Variants in BRD10 observed in about 807,000 individuals in gnomAD.
The protein encoded by BRD10 is bromodomain containing 10, also known as uncharacterized bromodomain-containing protein 10.
the BRD10 span, among the ~76,000 whole-genome samples, chr9:5,932,521 A>T: frequency 1.3e-5 from 2 of 152,164 alleles, no homozygotes; most frequent in African/African-American, 2.4e-5. Context: ...TTTAAATCAC[A>T]TTTACATTGT....
At chr9:5,914,048 T>C in the BRD10 span, 15,597 of 452,234 alleles carry the variant, frequency 0.034, 984 homozygotes, top group African/African-American at 0.14. Flanking sequence ...CTTGGCACAC[T>C]TAAGAGAAAG....
At chr9:5,990,680 C>A in the BRD10 span, among the ~76,000 whole-genome samples, 2 of 152,106 alleles carry the variant, frequency 1.3e-5, no homozygotes, top group African/African-American at 4.8e-5. Flanking sequence ...ATCCAACCAA[C>A]CATGGTGCTG....
chr9:5,952,181 C>T, the BRD10 span, among the ~76,000 whole-genome samples: 1 of 151,938 alleles, frequency 6.6e-6, no homozygotes, highest in Admixed American at 6.6e-5. Context: ...CCACCACACC[C>T]GGCTAATTTT....
At chr9:5,951,225 TA>T in the BRD10 span, among the ~76,000 whole-genome samples, 3 of 151,866 alleles carry the variant, frequency 2.0e-5, no homozygotes, top group South Asian at 2.1e-4. Flanking sequence ...CTGAAGCAAA[TA>T]GGGGGGCAAG....
chr9:5,983,552 T>G, the BRD10 span, among the ~76,000 whole-genome samples: 1 of 151,350 alleles, frequency 6.6e-6, no homozygotes, highest in Admixed American at 6.6e-5. Context: ...ATGAGAGAAA[T>G]GAAGATATAT....
chr9:5,921,051 C>A, the BRD10 span: 1 of 1,613,940 alleles, frequency 6.2e-7, no homozygotes, highest in East Asian at 2.2e-5. Flanking sequence ...ACATTTACTG[C>A]TCTTGCTGAA....
At chr9:5,930,115 TGTTGG>T in the BRD10 span, among the ~76,000 whole-genome samples, 12 of 142,986 alleles carry the variant, frequency 8.4e-5, no homozygotes, top group Non-Finnish European at 1.8e-4. Flanking sequence ...TACATAATCA[TGTTGG>T]GTTTTTTTTT....
the BRD10 span, among the ~76,000 whole-genome samples, chr9:5,995,681 C>T: frequency 6.6e-6 from 1 of 152,138 alleles, no homozygotes; most frequent in African/African-American, 2.4e-5. Context: ...CCTTTCTATA[C>T]CCTATCTGGT....
the BRD10 span, among the ~76,000 whole-genome samples, chr9:5,882,064 T>G: frequency 6.6e-6 from 1 of 152,192 alleles, no homozygotes; most frequent in African/African-American, 2.4e-5. Flanking sequence ...CTGCAGGATT[T>G]TTAGATGTGC....
chr9:5,921,453 T>C, the BRD10 span: 1 of 1,613,976 alleles, frequency 6.2e-7, no homozygotes, highest in East Asian at 2.2e-5. Context: ...GATGTACCAC[T>C]AGGAACTGGG....
chr9:5,969,253 G>A, the BRD10 span: 53 of 1,613,706 alleles, frequency 3.3e-5, no homozygotes, highest in Non-Finnish European at 3.8e-5. Context: ...GTTCCAATTC[G>A]TAAAAGACTA....
the BRD10 span, among the ~76,000 whole-genome samples, chr9:5,977,829 C>T: frequency 6.6e-6 from 1 of 151,478 alleles, no homozygotes; most frequent in Non-Finnish European, 1.5e-5. Flanking sequence ...AGCGAGACTC[C>T]GTCTCAAAAA....
chr9:5,922,742 A>G, the BRD10 span: 13 of 1,613,838 alleles, frequency 8.1e-6, no homozygotes. Flanking sequence ...CTGCACCTGA[A>G]TCTTTACAGA....
chr9:5,980,014 C>CA, the BRD10 span, among the ~76,000 whole-genome samples: 150 of 99,912 alleles, frequency 1.5e-3, no homozygotes, highest in African/African-American at 2.8e-3. Flanking sequence ...GACTCCATCT[C>CA]AAAAAAAAAA....
the BRD10 span, chr9:5,988,589 T>A: frequency 3.4e-6 from 5 of 1,467,916 alleles, no homozygotes; most frequent in South Asian, 4.6e-5. Context: ...ATCTTCTGGA[T>A]AAGCAATAAA....
the BRD10 span, among the ~76,000 whole-genome samples, chr9:5,978,718 T>A: frequency 2.0e-5 from 3 of 152,044 alleles, no homozygotes; most frequent in Non-Finnish European, 4.4e-5. Context: ...ACTTAGAAGG[T>A]TCTCCAAGAA....
At chr9:5,922,711 T>C in the BRD10 span, 3 of 1,613,978 alleles carry the variant, frequency 1.9e-6, no homozygotes, top group Non-Finnish European at 2.5e-6. Context: ...TTTTTTCTCC[T>C]GTTTTAGGAT....
chr9:5,936,347 C>A, the BRD10 span, among the ~76,000 whole-genome samples: 1 of 152,026 alleles, frequency 6.6e-6, no homozygotes, highest in Non-Finnish European at 1.5e-5. Context: ...AGAGTGAGAC[C>A]CTGTCTCAAA....
At chr9:5,891,975 G>A in the BRD10 span, among the ~76,000 whole-genome samples, 1 of 152,208 alleles carries the variant, frequency 6.6e-6, no homozygotes, top group African/African-American at 2.4e-5. Context: ...GGAAACACAC[G>A]TTATGTATCA....
Sources: allele counts gnomAD v4.1 joint callset (sites outside exome capture counted in the v4.1 genomes callset), GRCh38; gene constraint gnomAD v4.1.1; transcripts MANE v1.5; gene names NCBI Gene and HGNC (gene_info 2026-07-23, HGNC 2026-07-21).